The following ZC3H4 variants were observed in gnomAD, a reference collection of about 807,000 sequenced individuals.
The protein encoded by ZC3H4 is zinc finger CCCH domain-containing protein 4.
ZC3H4 carries 13 observed loss-of-function variants against 108.3 expected under a neutral mutation model. That is an observed-to-expected ratio of 0.12 (90% CI 0.08 to 0.19). The LOEUF is 0.19. Among genes scored for constraint, ZC3H4 ranks in the 10% least tolerant of loss-of-function variants. ZC3H4 has a pLI of 1.00. For missense variants in ZC3H4, 1,734 were observed against 1,838.8 expected, an observed-to-expected ratio of 0.94 and a Z score of 1.04; for synonymous variants, 917 against 749.6, an observed-to-expected ratio of 1.22 and a Z score of -3.65.
chr19:47,098,139 C>T (rs559563851), intron 2 of ZC3H4, among the ~76,000 whole-genome samples: 1 of 152,332 alleles, frequency 6.6e-6, no homozygotes, highest in African/African-American at 2.4e-5. Flanking sequence ...CAGGCCAACT[C>T]CACAGGGCCC....
At chr19:47,077,069 A>G (rs562145356) in intron 11 of ZC3H4, among the ~76,000 whole-genome samples, 2 of 152,184 alleles carry the variant, frequency 1.3e-5, no homozygotes, top group African/African-American at 2.4e-5. Context: ...CAAGAGGCAG[A>G]GAACTGCTTG....
rs762607587 is a variant in ZC3H4 at position 47,069,336 on chromosome 19, G to A, written c.2154C>T (p.Tyr718=). Residue 718 remains tyrosine, a synonymous_variant, in exon 14 of 15, where the codon TAC becomes TAT. Transcript: ENST00000253048. ...EPGLLGDAED[Y]GHYEELPGEP... ...CCCCTGGCAGCTCTTCGTAGTGCCC[G>A]TAGTCCTCTGTGGCAGGGAAGAACC... 1.1e-5 allele frequency: 17 copies of A among 1,612,626 alleles called. No homozygotes were observed. The highest frequency in any genetic ancestry group is 1.7e-4 in the Middle Eastern group (1 of 6,058).
chr19:47,077,565 G>C (rs1271861180), intron 11 of ZC3H4, among the ~76,000 whole-genome samples: 1 of 151,612 alleles, frequency 6.6e-6, no homozygotes, highest in East Asian at 2.0e-4. Flanking sequence ...AGAAGGTATG[G>C]ATTCTCAGCT....
At chr19:47,093,838 G>A (rs1221217201) in intron 4 of ZC3H4, 132 bp downstream of exon 4, 3 of 670,358 alleles carry the variant, frequency 4.5e-6, no homozygotes. Context: ...ATAAAATGGG[G>A]ATTAAATTAA....
chr19:47,105,731 C>G (rs1489680346), intron 2 of ZC3H4, among the ~76,000 whole-genome samples: 3 of 152,248 alleles, frequency 2.0e-5, no homozygotes, highest in Non-Finnish European at 2.9e-5. Context: ...GACACTGACC[C>G]ACATCTGCTT....
chr19:47,087,355 A>G (rs867104483), intron 5 of ZC3H4, among the ~76,000 whole-genome samples: 44 of 152,000 alleles, frequency 2.9e-4, no homozygotes, highest in African/African-American at 1.0e-3. Flanking sequence ...ATTTGATTAC[A>G]CGTTGAAGTA....
chr19:47,109,317 G>C (rs777442554), intron 2 of ZC3H4, among the ~76,000 whole-genome samples: 1 of 152,140 alleles, frequency 6.6e-6, no homozygotes, highest in Admixed American at 6.6e-5. Flanking sequence ...AATGCTTGGG[G>C]AAATAGTTTC....
At position 47,064,870 on chromosome 19, in the gene ZC3H4, G is replaced by A. The variant is rs2057173774; in HGVS notation, c.*1486C>T. ...ATTTTTCTCTTTTTGGGGTGGGGTG[G>A]GATAGGAGCCTTGTTCACCCCACCC... On this transcript the variant is annotated 3_prime_UTR_variant, in exon 15 of 15. Coordinates refer to ENST00000253048, the MANE Select transcript of ZC3H4 (RefSeq NM_015168.2). 1 of 152,166 alleles carries A rather than the reference G, an allele frequency of 6.6e-6. No homozygotes were observed. Among genetic ancestry groups the A allele is most frequent in the Non-Finnish European group, 1.5e-5 (1 of 68,084 alleles). 9.4% of individuals were successfully genotyped at this position (152,166 alleles called of 1,614,324 possible).
At chr19:47,076,107 TC>T (rs2057412942) in intron 11 of ZC3H4, among the ~76,000 whole-genome samples, 1 of 152,154 alleles carries the variant, frequency 6.6e-6, no homozygotes, top group African/African-American at 2.4e-5. Flanking sequence ...GTGAATAAGC[TC>T]CAGGCCACTG....
At position 47,066,287 on chromosome 19, in the gene ZC3H4, C is replaced by T; in HGVS notation, c.*69G>A. 7.5e-7 allele frequency: 1 copy of T among 1,339,768 alleles called. No individual in the cohort carries two copies. Among genetic ancestry groups the T allele is most frequent in the Non-Finnish European group, 9.8e-7 (1 of 1,021,270 alleles). The allele number at this position is 1,339,768 out of a possible 1,614,324, so 83.0% of individuals were successfully genotyped here. A position where few individuals can be genotyped will look rare whatever the true frequency, so the allele number is the denominator to read the frequency against. The stretch of plus-strand genomic sequence containing the variant: ...GCCTGCCTCCCCTTGCCCCCAAGTT[C>T]CCTACCCTGGGTGCTGCCCTGAATG... On this transcript the variant is annotated 3_prime_UTR_variant, in exon 15 of 15. Coordinates refer to ENST00000253048, the MANE Select transcript of ZC3H4 (RefSeq NM_015168.2).
In ZC3H4 at chr19:47,066,785, T is replaced by G; in HGVS notation, c.3483A>C (p.Thr1161=). The change falls in exon 15 of 15, where the codon ACA becomes ACC. Residue 1161 remains threonine, a synonymous_variant. Transcript: ENST00000253048. The part of the protein sequence containing the change: ...PRTPNAGGKA[T]EPAADTGAQP... ...GGGCACCCGTGTCAGCAGCCGGCTC[T>G]GTGGCTTTGCCCCCCGCGTTGGGAG... 1 of 1,601,680 alleles carries G rather than the reference T, an allele frequency of 6.2e-7. No homozygotes were observed. The highest frequency in any genetic ancestry group is 8.5e-7 in the Non-Finnish European group (1 of 1,178,330).
At chr19:47,086,015 G>A (rs745454657) in intron 6 of ZC3H4, among the ~76,000 whole-genome samples, 1 of 151,924 alleles carries the variant, frequency 6.6e-6, no homozygotes, top group East Asian at 1.9e-4. Context: ...CTACAGGCGC[G>A]TGCTACCACA....
chr19:47,108,080 G>C (rs1236232983), intron 2 of ZC3H4, among the ~76,000 whole-genome samples: 1 of 152,172 alleles, frequency 6.6e-6, no homozygotes, highest in Non-Finnish European at 1.5e-5. Flanking sequence ...CTCCACCAAT[G>C]AGGCTGCTCC....
At position 47,073,550 on chromosome 19, in the gene ZC3H4, C is replaced by T. The variant is rs112158638; in HGVS notation, c.1441-837G>A. On this transcript the variant is annotated intron_variant, in intron 11 of 14. Coordinates refer to ENST00000253048, the MANE Select transcript of ZC3H4 (RefSeq NM_015168.2). The stretch of plus-strand genomic sequence containing the variant: ...TCACACTACTGCACTCCAGCCTGAG[C>T]GACAGAGCCAGACTCCATCTCAAAA... Among the ~76,000 whole-genome samples the T allele has an allele frequency of 1.2e-4, 19 of 152,274 alleles. 1 individual carries two copies. The highest frequency in any genetic ancestry group is 7.7e-4 in the East Asian group (4 of 5,188).
chr19:47,068,223 G>A (rs1296918462), intron 14 of ZC3H4, among the ~76,000 whole-genome samples: 8 of 152,228 alleles, frequency 5.3e-5, no homozygotes, highest in African/African-American at 1.7e-4. Context: ...CCAGGATCGG[G>A]CTAGGACTCC....
At chr19:47,109,800 T>C (rs1285130692) in intron 2 of ZC3H4, among the ~76,000 whole-genome samples, 1 of 152,172 alleles carries the variant, frequency 6.6e-6, no homozygotes, top group South Asian at 2.1e-4. Flanking sequence ...TCTCTAAGTA[T>C]GTCAGGGATC....
At chr19:47,077,734 G>C (rs1210262198) in intron 11 of ZC3H4, among the ~76,000 whole-genome samples, 1 of 151,910 alleles carries the variant, frequency 6.6e-6, no homozygotes, top group African/African-American at 2.4e-5. Context: ...GCACATGCCT[G>C]TAATCTCAGC....
At chr19:47,081,729 G>A in intron 10 of ZC3H4, 107 bp from the exon 11 acceptor site, 1 of 996,442 alleles carries the variant, frequency 1.0e-6, no homozygotes. Context: ...TAAGAAATCT[G>A]AGCCCAGAGA....
chr19:47,092,367 TTCCC>T (rs2057748145), intron 4 of ZC3H4, among the ~76,000 whole-genome samples: 1 of 152,168 alleles, frequency 6.6e-6, no homozygotes, highest in Non-Finnish European at 1.5e-5. Context: ...GCACGCAATG[TTCCC>T]TCCATTTCCT....
Sources: gnomAD v4.1 joint callset for allele counts (sites outside exome capture counted in the v4.1 genomes callset) on GRCh38, gnomAD v4.1.1 for gene constraint, MANE v1.5 for transcripts, NCBI Gene and HGNC (gene_info 2026-07-23, HGNC 2026-07-21) for gene names.